NPC1: variants seen among roughly 807,000 people sequenced by gnomAD.
NPC1 encodes the protein NPC intracellular cholesterol transporter 1, also known as Niemann-Pick C1 protein.
NPC1 carries 85 observed loss-of-function variants against 140.4 expected under a neutral mutation model. That is an observed-to-expected ratio of 0.61 (90% CI 0.51 to 0.72). The LOEUF (loss-of-function observed/expected upper bound fraction) is 0.72, where lower values mean the gene tolerates loss of function less well. NPC1 is among the 30% of genes least tolerant of loss of function. The probability of loss-of-function intolerance (pLI) is 0.00; values close to 1 mark genes in which losing one functional copy is unlikely to be tolerated. For synonymous variants in NPC1, 656 were observed against 624.8 expected (o/e 1.05, Z -0.74); for missense variants, 1,504 against 1,623.8 (o/e 0.93, Z 1.27).
At chr18:23,513,233 C>T (rs1023970952) in intron 3 of NPC1, among the ~76,000 whole-genome samples, 2 of 152,188 alleles carry the variant, frequency 1.3e-5, no homozygotes, top group Non-Finnish European at 2.9e-5. Flanking sequence ...GGATTACAGG[C>T]GTGAGCCACT....
In NPC1 at chr18:23,535,622, C is replaced by A. The variant is rs373245725; in HGVS notation, c.3324G>T (p.Ala1108=). The part of the protein sequence containing the change: ...TIFNLGVSLG[A]IFLVTMVLLG... ...GGAGGACCATGGTCACCAGAAATAT[C>A]GCGCCCAGGGACACACCGAGGTTGA... Residue 1108 remains alanine, a synonymous_variant, in exon 22 of 25, where the codon GCG becomes GCT. Coordinates refer to ENST00000269228, the MANE Select transcript of NPC1 (RefSeq NM_000271.5). The A allele has an allele frequency of 6.2e-7, 1 of 1,614,070 alleles. No homozygotes were observed. Among genetic ancestry groups the A allele is most frequent in the South Asian group, 1.1e-5 (1 of 91,064 alleles).
chr18:23,569,054 G>T, intron 3 of NPC1, 56 bp from the exon 4 acceptor site: 1 of 1,225,256 alleles, frequency 8.2e-7, no homozygotes, highest in Non-Finnish European at 1.2e-6. Context: ...GGGCCAGCAA[G>T]AACGATTTTA....
Position 23,554,952 on chromosome 18 carries a change from A to G in NPC1, c.1359T>C (p.Ile453=). The change falls in exon 9 of 25, where the codon ATT becomes ATC. Residue 453 remains isoleucine, a synonymous_variant. Transcript: ENST00000269228. Reference sequence around the variant, plus strand: ...CAGTCTCATTGTCATAAGAGGCAGTAATGTTTTCGATGGCTATTTGTAAGT... The same window carrying G: ...CAGTCTCATTGTCATAAGAGGCAGTGATGTTTTCGATGGCTATTTGTAAGT... The part of the protein sequence containing the change: ...VLDLQIAIEN[I]TASYDNETVT... 2 of 1,613,728 alleles carry G rather than the reference A, an allele frequency of 1.2e-6. No individual in the cohort carries two copies. Among genetic ancestry groups the G allele is most frequent in the South Asian group, 2.2e-5 (2 of 91,068 alleles).
At chr18:23,563,175 G>C (rs1355364396) in intron 4 of NPC1, among the ~76,000 whole-genome samples, 1 of 152,136 alleles carries the variant, frequency 6.6e-6, no homozygotes, top group East Asian at 1.9e-4. Context: ...TGTTCTCAAG[G>C]TTCATGCATA....
downstream of NPC1, chr18:23,519,003 C>G (rs74383409): frequency 8.9e-4 from 1,429 of 1,612,542 alleles, 27 homozygotes; most frequent in East Asian, 0.028. Flanking sequence ...TTTGTTTTCC[C>G]TCTCTCTCTG....
At chr18:23,515,560 G>A (rs914838693) in intron 3 of NPC1, among the ~76,000 whole-genome samples, 3 of 152,132 alleles carry the variant, frequency 2.0e-5, no homozygotes, top group South Asian at 2.1e-4. Context: ...ACTGAATCTC[G>A]CTCTGTCACT....
At chr18:23,519,197 C>T (rs2145205782), downstream of NPC1, 1 of 1,601,284 alleles carries the variant, frequency 6.2e-7, no homozygotes, top group South Asian at 1.1e-5. Context: ...TGCGTTTCTA[C>T]CAAAGTTAAG....
intron 3 of NPC1, among the ~76,000 whole-genome samples, chr18:23,571,194 G>T (rs957934779): frequency 1.3e-5 from 2 of 150,508 alleles, no homozygotes; most frequent in Non-Finnish European, 2.9e-5. Flanking sequence ...CTGACAAATT[G>T]TAAGAGTGCT....
rs769082634 is a variant in NPC1, at chr18:23,532,160, C to T, written c.*42G>A. ...AGCACCCGTCCAGTGGTAAACCGAC[C>T]GACCCTTAGACACAGTTCAGTCAGG... On this transcript the variant is annotated 3_prime_UTR_variant, in exon 25 of 25. Coordinates refer to ENST00000269228, the MANE Select transcript of NPC1 (RefSeq NM_000271.5). 3.5e-5 allele frequency: 57 copies of T among 1,613,948 alleles called. No homozygotes were observed. The South Asian group carries it at 4.9e-4, about 14-fold the overall frequency.
At chr18:23,533,669 T>C in intron 23 of NPC1, 152 bp from the exon 24 acceptor site, 1 of 729,460 alleles carries the variant, frequency 1.4e-6, no homozygotes, top group Non-Finnish European at 2.3e-6. Context: ...CCACCATGCC[T>C]GGCTAATTTT....
intron 3 of NPC1, chr18:23,506,753 C>G (rs903013088): frequency 2.3e-6 from 1 of 430,242 alleles, no homozygotes; most frequent in Non-Finnish European, 4.2e-6. Flanking sequence ...TCTTCAATCA[C>G]TTGTTACCCA....
chr18:23,524,171 C>T, intron 1 of NPC1: 3 of 1,613,770 alleles, frequency 1.9e-6, no homozygotes, highest in Non-Finnish European at 2.5e-6. Flanking sequence ...TCCATGTAAA[C>T]TCTGTATCCT....
intron 6 of NPC1, among the ~76,000 whole-genome samples, chr18:23,557,528 G>A (rs2058972158): frequency 6.6e-6 from 1 of 152,214 alleles, no homozygotes; most frequent in Non-Finnish European, 1.5e-5. Flanking sequence ...GGCCAAGGTG[G>A]GCGGGATCAC....
At chr18:23,549,908 A>C (rs1269147934) in intron 10 of NPC1, among the ~76,000 whole-genome samples, 1 of 151,072 alleles carries the variant, frequency 6.6e-6, no homozygotes, top group Non-Finnish European at 1.5e-5. Flanking sequence ...CGTGTGGCTA[A>C]TTTTTTTTGT....
At chr18:23,565,438 C>T (rs889360625) in intron 4 of NPC1, among the ~76,000 whole-genome samples, 2 of 152,116 alleles carry the variant, frequency 1.3e-5, no homozygotes, top group African/African-American at 4.8e-5. Flanking sequence ...CTCCTGCAAC[C>T]ACCGCGTCCC....
At chr18:23,545,291 G>A in intron 11 of NPC1, 142 bp from the exon 12 acceptor site, 1 of 673,202 alleles carries the variant, frequency 1.5e-6, no homozygotes, top group Admixed American at 2.3e-5. Context: ...CGCCCAGGCT[G>A]AAGTGCAATG....
chr18:23,507,472 A>C (rs1023598603), intron 3 of NPC1, among the ~76,000 whole-genome samples: 10 of 152,196 alleles, frequency 6.6e-5, no homozygotes, highest in African/African-American at 2.2e-4. Flanking sequence ...ATTTTTGGCT[A>C]CTTTGTGAAT....
chr18:23,584,922 C>A lies in NPC1; in HGVS notation c.57+1365G>T, dbSNP rs2059398388. On this transcript the variant is annotated intron_variant, in intron 1 of 24. Transcript: ENST00000269228. ...TAGGAGGGGCCAGGAGTGGTGCTCACAATAATCCCAGTGCTTTGGGAGGCC... is the reference window on the plus strand; with the variant it reads ...TAGGAGGGGCCAGGAGTGGTGCTCAAAATAATCCCAGTGCTTTGGGAGGCC... Among the ~76,000 whole-genome samples, 3 of 152,224 alleles carry A rather than the reference C, an allele frequency of 2.0e-5. No individual in the cohort carries two copies. In the South Asian group the frequency reaches 6.2e-4, roughly 32 times the overall value.
downstream of NPC1, among the ~76,000 whole-genome samples, chr18:23,521,692 TCTC>T (rs1304083942): frequency 5.8e-4 from 40 of 69,526 alleles, no homozygotes; most frequent in East Asian, 2.0e-3. Context: ...ACACACTCTC[TCTC>T]TTTTTTTTTT....
Sources: gnomAD v4.1 joint callset for allele counts (sites outside exome capture counted in the v4.1 genomes callset) on GRCh38, gnomAD v4.1.1 for gene constraint, MANE v1.5 for transcripts, NCBI Gene and HGNC (gene_info 2026-07-23, HGNC 2026-07-21) for gene names.